The following B3GALT1 variants were observed in gnomAD, a reference collection of about 807,000 sequenced individuals.
B3GALT1 encodes beta-1,3-galactosyltransferase 1, also known as UDP-Gal:betaGlcNAc beta 1,3-galactosyltransferase, polypeptide 1.
A neutral mutation model predicts 23.2 loss-of-function variants in B3GALT1; 10 were observed. That is an observed-to-expected ratio of 0.43 (90% CI 0.27 to 0.73). B3GALT1 has a LOEUF of 0.73. Ranked by LOEUF, B3GALT1 falls within the 30% of genes least tolerant of loss-of-function variation. The pLI is 0.21. For synonymous variants in B3GALT1, 156 were observed against 141.5 expected, an observed-to-expected ratio of 1.10 and a Z score of -0.73; for missense variants, 299 against 405.4, an observed-to-expected ratio of 0.74 and a Z score of 2.25.
intron 2 of B3GALT1, among the ~76,000 whole-genome samples, chr2:167,538,127 A>C (rs1289733303): frequency 6.6e-6 from 1 of 152,006 alleles, no homozygotes; most frequent in Admixed American, 6.6e-5. Flanking sequence ...TTGGCCCTGG[A>C]TCCTTGTTCT....
chr2:167,318,320 A>AAAAC (rs1016308634), intron 1 of B3GALT1, among the ~76,000 whole-genome samples: 16 of 152,198 alleles, frequency 1.1e-4, no homozygotes, highest in East Asian at 3.9e-4. Context: ...ACTCTGTCTC[A>AAAAC]AAACAAACAA....
intron 3 of B3GALT1, among the ~76,000 whole-genome samples, chr2:167,718,674 T>A (rs1341035980): frequency 6.6e-6 from 1 of 152,172 alleles, no homozygotes; most frequent in Non-Finnish European, 1.5e-5. Context: ...AAACTGTGTG[T>A]TTTTATAAAG....
intron 2 of B3GALT1, among the ~76,000 whole-genome samples, chr2:167,552,688 G>A (rs377272774): frequency 3.9e-4 from 59 of 152,136 alleles, no homozygotes; most frequent in African/African-American, 1.4e-3. Context: ...TTGCCTTTCA[G>A]TGAGTTTGGA....
chr2:167,408,336 C>T (rs750578757), intron 1 of B3GALT1, among the ~76,000 whole-genome samples: 1 of 151,994 alleles, frequency 6.6e-6, no homozygotes, highest in Non-Finnish European at 1.5e-5. Context: ...TACAAAAAGC[C>T]TCATCAAAAT....
chr2:167,563,251 C>CGG, intron 2 of B3GALT1, among the ~76,000 whole-genome samples: 1 of 149,318 alleles, frequency 6.7e-6, no homozygotes, highest in African/African-American at 2.5e-5. Context: ...CCCCACCTCC[C>CGG]AGACGGGGCG....
intron 2 of B3GALT1, among the ~76,000 whole-genome samples, chr2:167,516,950 G>GTA (rs779431606): frequency 0.011 from 999 of 93,174 alleles, 7 homozygotes; most frequent in South Asian, 0.038. Context: ...TTCTGTGTGT[G>GTA]TATATATATA....
At chr2:167,740,558 G>A (rs761766212) in intron 3 of B3GALT1, among the ~76,000 whole-genome samples, 3 of 152,066 alleles carry the variant, frequency 2.0e-5, no homozygotes, top group African/African-American at 4.8e-5. Flanking sequence ...TTATTTTGCA[G>A]ATACTTGGCA....
At chr2:167,609,211 CAAT>C (rs1685016302) in intron 2 of B3GALT1, among the ~76,000 whole-genome samples, 1 of 151,924 alleles carries the variant, frequency 6.6e-6, no homozygotes, top group Non-Finnish European at 1.5e-5. Context: ...GAACACAGAC[CAAT>C]AATAACGTAT....
chr2:167,528,173 C>T (rs565838458), intron 2 of B3GALT1, among the ~76,000 whole-genome samples: 29 of 152,314 alleles, frequency 1.9e-4, no homozygotes, highest in African/African-American at 7.0e-4. Flanking sequence ...CATGATCTGG[C>T]TTCTGCCTGT....
At chr2:167,665,188 G>T (rs997176692) in intron 3 of B3GALT1, among the ~76,000 whole-genome samples, 1 of 149,550 alleles carries the variant, frequency 6.7e-6, no homozygotes, top group African/African-American at 2.5e-5. Flanking sequence ...GTTGAATTTT[G>T]TCAAAGGCCT....
rs559970821 is a variant in B3GALT1, at chr2:167,461,359, C to T, written c.-510-28818C>T. On this transcript the variant is annotated intron_variant, in intron 1 of 4. Coordinates refer to ENST00000392690, the MANE Select transcript of B3GALT1 (RefSeq NM_020981.4). ...CTAAAAGTTTCAAACCTTCCATAGACGCCAGATTTCTAAAACAGTTATAGC... is the reference window on the plus strand; with the variant it reads ...CTAAAAGTTTCAAACCTTCCATAGATGCCAGATTTCTAAAACAGTTATAGC... Among the ~76,000 whole-genome samples, 22 of 152,290 alleles carry T rather than the reference C, an allele frequency of 1.4e-4. No individual in the cohort carries two copies. In the South Asian group the frequency reaches 2.5e-3, roughly 17 times the overall value.
rs1454686899 is a variant in B3GALT1 at position 167,809,027 on chromosome 2, ATTCATTTCG to A, written c.-351-9643_-351-9635del. 2.0e-5 allele frequency among the ~76,000 whole-genome samples: 3 copies of A among 152,022 alleles called. No individual in the cohort carries two copies. The East Asian group carries it at 5.8e-4, about 29-fold the overall frequency. ...TAAACTTCTCTTCTTGCTTCATTTCATTCATTTCGTCTTCCATCACTGATACCCTTTCTT... is the reference window on the plus strand; with the variant it reads ...TAAACTTCTCTTCTTGCTTCATTTCATCTTCCATCACTGATACCCTTTCTT... On this transcript the variant is annotated intron_variant, in intron 3 of 4. Coordinates refer to ENST00000392690, the MANE Select transcript of B3GALT1 (RefSeq NM_020981.4).
At chr2:167,541,481 A>G (rs1216381490) in intron 2 of B3GALT1, among the ~76,000 whole-genome samples, 3 of 152,260 alleles carry the variant, frequency 2.0e-5, no homozygotes, top group African/African-American at 7.2e-5. Flanking sequence ...GATTTAAACT[A>G]TGTACACATG....
chr2:167,596,159 A>T (rs1215067244), intron 2 of B3GALT1, among the ~76,000 whole-genome samples: 1 of 152,188 alleles, frequency 6.6e-6, no homozygotes, highest in Non-Finnish European at 1.5e-5. Context: ...TTTAGACTTC[A>T]GGGTAATGCT....
chr2:167,298,929 G>T (rs938902157), intron 1 of B3GALT1, among the ~76,000 whole-genome samples: 11 of 151,950 alleles, frequency 7.2e-5, no homozygotes, highest in African/African-American at 2.7e-4. Context: ...CATGGATAAT[G>T]AGAGAATTTT....
At chr2:167,651,006 G>A (rs1283942613) in intron 3 of B3GALT1, among the ~76,000 whole-genome samples, 1 of 151,648 alleles carries the variant, frequency 6.6e-6, no homozygotes, top group African/African-American at 2.4e-5. Flanking sequence ...AATTCTTAAG[G>A]AAGCAGATGT....
At chr2:167,358,229 A>G (rs1350442887) in intron 1 of B3GALT1, among the ~76,000 whole-genome samples, 1 of 152,212 alleles carries the variant, frequency 6.6e-6, no homozygotes, top group Non-Finnish European at 1.5e-5. Flanking sequence ...AGATAAGTCC[A>G]GAAACCCAAA....
rs539826273 is a variant in B3GALT1, at chr2:167,329,864, G to A, written c.-511+36530G>A. Among the ~76,000 whole-genome samples the A allele has an allele frequency of 7.9e-5, 12 of 151,832 alleles. No homozygotes were observed. The South Asian group carries it at 2.3e-3, about 29-fold the overall frequency. On this transcript the variant is annotated intron_variant, in intron 1 of 4. Coordinates refer to ENST00000392690, the MANE Select transcript of B3GALT1 (RefSeq NM_020981.4). ...GAATCTATGTCCCATTCTCTCAATG[G>A]CCTGTAAGGTTTCTGTTGAGAAATC...
chr2:167,655,678 G>A (rs1240692746), intron 3 of B3GALT1, among the ~76,000 whole-genome samples: 1 of 152,118 alleles, frequency 6.6e-6, no homozygotes, highest in East Asian at 1.9e-4. Flanking sequence ...ACAGATGGGA[G>A]GCTAACATCT....
Sources: gnomAD v4.1 joint callset for allele counts (sites outside exome capture counted in the v4.1 genomes callset) on GRCh38, gnomAD v4.1.1 for gene constraint, MANE v1.5 for transcripts, NCBI Gene and HGNC (gene_info 2026-07-23, HGNC 2026-07-21) for gene names.